The following PAQR5 variants were observed in gnomAD, a reference collection of about 807,000 sequenced individuals.
PAQR5 encodes membrane progestin receptor gamma.
Under a neutral mutation model 34.5 loss-of-function variants are expected in PAQR5, and 20 were observed. The ratio of observed to expected loss-of-function variants is 0.58; its 90% CI spans 0.41 to 0.84. The LOEUF (loss-of-function observed/expected upper bound fraction) is 0.84. Among genes scored for constraint, PAQR5 ranks in the 40% least tolerant of loss-of-function variants. The pLI is 0.00. For missense variants in PAQR5, 378 were observed against 412.7 expected, an observed-to-expected ratio of 0.92 and a Z score of 0.73; for synonymous variants, 131 against 155.6, an observed-to-expected ratio of 0.84 and a Z score of 1.18.
At position 69,404,191 on chromosome 15, in the gene PAQR5, A is replaced by G. The variant is rs1212143855; in HGVS notation, c.*369A>G. 5.2e-6 allele frequency: 1 copy of G among 192,554 alleles called. No homozygotes were observed. The highest frequency in any genetic ancestry group is 2.4e-5 in the African/African-American group (1 of 41,888). 11.9% of individuals were successfully genotyped at this position (192,554 alleles called of 1,614,324 possible). On this transcript the variant is annotated 3_prime_UTR_variant, in exon 9 of 9. Coordinates refer to ENST00000395407, the MANE Select transcript of PAQR5 (RefSeq NM_017705.4). ...AAAATGAATCTTGCTTCATTTGATGAATTTCATGTCACAAAGCTTCTCTCA... is the reference window on the plus strand; with the variant it reads ...AAAATGAATCTTGCTTCATTTGATGGATTTCATGTCACAAAGCTTCTCTCA...
intron 3 of PAQR5, among the ~76,000 whole-genome samples, chr15:69,366,617 C>G (rs1270699751): frequency 6.6e-6 from 1 of 152,144 alleles, no homozygotes; most frequent in Non-Finnish European, 1.5e-5. Context: ...GCTTGATGGC[C>G]TAGCACATGA....
chr15:69,365,567 C>T (rs1056977097), intron 3 of PAQR5, among the ~76,000 whole-genome samples: 2 of 152,060 alleles, frequency 1.3e-5, no homozygotes, highest in Non-Finnish European at 1.5e-5. Context: ...TGATAGATCT[C>T]TTTAATCTAT....
intron 6 of PAQR5, among the ~76,000 whole-genome samples, chr15:69,395,561 C>A (rs2056399524): frequency 6.6e-6 from 1 of 152,174 alleles, no homozygotes; most frequent in Non-Finnish European, 1.5e-5. Flanking sequence ...TCGGGAGCAT[C>A]GTTTCATCAA....
At chr15:69,316,873 G>A (rs1450258077) in intron 1 of PAQR5, among the ~76,000 whole-genome samples, 1 of 152,182 alleles carries the variant, frequency 6.6e-6, no homozygotes, top group Non-Finnish European at 1.5e-5. Context: ...CAGGCTGCGT[G>A]CAGTGGTGGG....
In PAQR5 at chr15:69,379,284, G is replaced by C. The variant is rs995619283; in HGVS notation, c.52-599G>C. 6 of 284,544 alleles carry C rather than the reference G, an allele frequency of 2.1e-5. No homozygotes were observed. The South Asian group carries it at 6.9e-4, about 33-fold the overall frequency. 17.6% of individuals were successfully genotyped at this position (284,544 alleles called of 1,614,324 possible). On this transcript the variant is annotated intron_variant, in intron 3 of 8. Transcript: ENST00000395407. ...CGGGTTTCTCAGTGGGTGTTTTTTG[G>C]GGGGGACTTGCCAAATGGGCTGCAT...
intron 5 of PAQR5, among the ~76,000 whole-genome samples, chr15:69,387,995 T>A (rs567303764): frequency 6.6e-6 from 1 of 152,298 alleles, no homozygotes; most frequent in East Asian, 1.9e-4. Flanking sequence ...GCACAGAAGA[T>A]GCTTCCAATC....
intron 7 of PAQR5, among the ~76,000 whole-genome samples, chr15:69,399,708 T>C (rs1276804578): frequency 6.6e-6 from 1 of 152,246 alleles, no homozygotes; most frequent in East Asian, 1.9e-4. Flanking sequence ...AAGACTCTCA[T>C]GAGTATTTGG....
intron 1 of PAQR5, among the ~76,000 whole-genome samples, chr15:69,303,070 G>A (rs1056421299): frequency 1.8e-4 from 27 of 152,098 alleles, no homozygotes; most frequent in African/African-American, 6.0e-4. Context: ...TGTCTCTCTC[G>A]TTCCATGGTC....
chr15:69,301,633 T>C (rs1365463445), intron 1 of PAQR5, among the ~76,000 whole-genome samples: 1 of 152,134 alleles, frequency 6.6e-6, no homozygotes, highest in Non-Finnish European at 1.5e-5. Flanking sequence ...TTTTAGGAGA[T>C]AGTAAGTGGT....
At chr15:69,380,318 T>C (rs1022655416) in intron 4 of PAQR5, 2 of 267,454 alleles carry the variant, frequency 7.5e-6, no homozygotes, top group Non-Finnish European at 1.4e-5. Flanking sequence ...TCTTGGAGAC[T>C]TTCCAGGTCT....
Position 69,327,244 on chromosome 15 carries a change from G to T in PAQR5, c.-276-10097G>T, listed in dbSNP as rs146668587. ...ACTCCTGGACTCAAGTGATCTTCCC[G>T]CCTCAGCCTCCCAAAGTGCTTACAG... is the stretch of plus-strand genomic sequence containing the variant. On this transcript the variant is annotated intron_variant, in intron 1 of 8. Transcript: ENST00000395407. Among the ~76,000 whole-genome samples the T allele has an allele frequency of 3.5e-3, 540 of 152,128 alleles. 4 individuals carry two copies. The highest frequency in any genetic ancestry group is 0.013 in the African/African-American group (524 of 41,496).
intron 1 of PAQR5, among the ~76,000 whole-genome samples, chr15:69,322,754 A>C (rs866002018): frequency 0.075 from 2,127 of 28,534 alleles, 583 homozygotes; most frequent in African/African-American, 0.12. Flanking sequence ...AAGAAGAAGA[A>C]GAAGAAGAAG....
chr15:69,335,690 A>T (rs1025636487), intron 1 of PAQR5, among the ~76,000 whole-genome samples: 2 of 151,574 alleles, frequency 1.3e-5, no homozygotes, highest in Non-Finnish European at 2.9e-5. Flanking sequence ...AGCTGGGATT[A>T]CAGATGCATG....
intron 2 of PAQR5, among the ~76,000 whole-genome samples, chr15:69,345,524 C>G (rs7170501): frequency 0.066 from 10,016 of 152,198 alleles, 1,121 homozygotes; most frequent in African/African-American, 0.23. Context: ...CAAATTTCAC[C>G]TCTTAGTAAT....
At chr15:69,311,038 C>T (rs1194638319) in intron 1 of PAQR5, among the ~76,000 whole-genome samples, 1 of 36,148 alleles carries the variant, frequency 2.8e-5, no homozygotes, top group African/African-American at 8.0e-5. Flanking sequence ...GACTCCGTCG[C>T]AAAAAATAAA....
chr15:69,300,060 C>T (rs901470509), intron 1 of PAQR5, among the ~76,000 whole-genome samples: 3 of 152,156 alleles, frequency 2.0e-5, no homozygotes, highest in African/African-American at 7.2e-5. Flanking sequence ...GCGGGTTTCC[C>T]ACCGCATCCT....
chr15:69,345,747 A>T (rs530189727), intron 2 of PAQR5, among the ~76,000 whole-genome samples: 3 of 152,166 alleles, frequency 2.0e-5, no homozygotes, highest in South Asian at 2.1e-4. Context: ...TTTTAAATGA[A>T]ATCTTACATT....
chr15:69,307,031 GT>G (rs2053732771), intron 1 of PAQR5, among the ~76,000 whole-genome samples: 1 of 151,892 alleles, frequency 6.6e-6, no homozygotes, highest in South Asian at 2.1e-4. Flanking sequence ...TTTCATCCAT[GT>G]TGTGGCATGT....
intron 1 of PAQR5, among the ~76,000 whole-genome samples, chr15:69,322,766 A>AGACGAGGAAGAAGAAGAAGAG (rs1566997947): frequency 3.9e-5 from 1 of 25,784 alleles, no homozygotes; most frequent in African/African-American, 1.0e-4. Context: ...AAGAAGAAGA[A>AGACGAGGAAGAAGAAGAAGAG]GAAGAGGGAG....
Sources: allele counts gnomAD v4.1 joint callset (sites outside exome capture counted in the v4.1 genomes callset), GRCh38; gene constraint gnomAD v4.1.1; transcripts MANE v1.5; gene names NCBI Gene and HGNC (gene_info 2026-07-23, HGNC 2026-07-21).